KIAA1217: variants seen among roughly 807,000 people sequenced by gnomAD.
The protein encoded by KIAA1217 is sickle tail protein homolog.
In KIAA1217, 88 loss-of-function variants were observed where a neutral mutation model predicts 163.9. That is an observed-to-expected ratio of 0.54 (90% CI 0.45 to 0.64). KIAA1217 has a LOEUF of 0.64. Among genes scored for constraint, KIAA1217 ranks in the 30% least tolerant of loss-of-function variants. The pLI is 0.00. For missense variants in KIAA1217, 2,372 were observed against 2,475.0 expected (o/e 0.96, Z 0.88); for synonymous variants, 903 against 923.1 (o/e 0.98, Z 0.39).
intron 1 of KIAA1217, among the ~76,000 whole-genome samples, chr10:23,699,356 G>A (rs1836268425): frequency 6.6e-6 from 1 of 152,206 alleles, no homozygotes; most frequent in African/African-American, 2.4e-5. Flanking sequence ...AGACCATCTG[G>A]TTCATTTTAG....
chr10:24,024,997 C>G (rs1847881183), intron 2 of KIAA1217, among the ~76,000 whole-genome samples: 1 of 151,644 alleles, frequency 6.6e-6, no homozygotes, highest in African/African-American at 2.4e-5. Context: ...ATTTCCTTAC[C>G]TTTAACTTTT....
chr10:24,501,397 G>A lies in KIAA1217; in HGVS notation c.1853G>A (p.Gly618Asp). 1 of 1,610,840 alleles carries A rather than the reference G, an allele frequency of 6.2e-7. No individual in the cohort carries two copies. The highest frequency in any genetic ancestry group is 1.3e-5 in the African/African-American group (1 of 74,982). The change falls in exon 9 of 21, where the codon GGT becomes GAT. Residue 618 changes from glycine (G) to aspartate (D), a missense_variant. Transcript: ENST00000376454. ...TDSAGTPHVS[G>D]GKMLSALEST... The stretch of plus-strand genomic sequence containing the variant: ...CTCATAGGAACGCCCCATGTGTCTG[G>A]TGGGAAGATGCTCAGTGCTCTGGAG...
At chr10:24,419,628 T>G (rs1302169134) in intron 3 of KIAA1217, among the ~76,000 whole-genome samples, 1 of 151,982 alleles carries the variant, frequency 6.6e-6, no homozygotes. Context: ...GCTATATAGG[T>G]TTTTGTCAGA....
chr10:23,746,945 G>A (rs947585773), intron 1 of KIAA1217, among the ~76,000 whole-genome samples: 1 of 152,128 alleles, frequency 6.6e-6, no homozygotes, highest in African/African-American at 2.4e-5. Flanking sequence ...GATGGCAAAG[G>A]AAGGATTAAG....
intron 3 of KIAA1217, among the ~76,000 whole-genome samples, chr10:24,426,789 G>A (rs867802985): frequency 9.2e-5 from 14 of 152,216 alleles, no homozygotes; most frequent in Middle Eastern, 3.2e-3. Flanking sequence ...TGAGAAGTGC[G>A]TGGCGCAGCG....
intron 2 of KIAA1217, among the ~76,000 whole-genome samples, chr10:24,341,299 G>C (rs564203047): frequency 2.4e-4 from 36 of 151,960 alleles, no homozygotes; most frequent in African/African-American, 8.7e-4. Flanking sequence ...AGGCAAAGTC[G>C]TGATTAAATC....
chr10:24,041,805 T>C (rs534836535), intron 2 of KIAA1217, among the ~76,000 whole-genome samples: 2 of 152,338 alleles, frequency 1.3e-5, no homozygotes, highest in East Asian at 1.9e-4. Flanking sequence ...AAACTGAACG[T>C]GGTATGCACT....
intron 4 of KIAA1217, among the ~76,000 whole-genome samples, chr10:24,434,475 C>G (rs143054409): frequency 1.3e-5 from 2 of 152,322 alleles, no homozygotes; most frequent in East Asian, 3.9e-4. Context: ...GTAGCTGGCA[C>G]TACCGGCACA....
At chr10:24,452,965 C>T (rs1432312045) in intron 5 of KIAA1217, among the ~76,000 whole-genome samples, 1 of 152,102 alleles carries the variant, frequency 6.6e-6, no homozygotes, top group East Asian at 1.9e-4. Flanking sequence ...AAGAAAGAGG[C>T]CTGACTTATT....
At chr10:24,139,331 T>C (rs909042761) in intron 2 of KIAA1217, among the ~76,000 whole-genome samples, 1 of 152,166 alleles carries the variant, frequency 6.6e-6, no homozygotes, top group South Asian at 2.1e-4. Context: ...CAATTTACTT[T>C]TGTCCATATT....
At chr10:24,307,784 AAAAAG>A (rs1397719518) in intron 2 of KIAA1217, among the ~76,000 whole-genome samples, 2 of 152,184 alleles carry the variant, frequency 1.3e-5, no homozygotes, top group African/African-American at 4.8e-5. Flanking sequence ...TTGTCTCAAA[AAAAAG>A]AAAAGAACTG....
At position 24,066,562 on chromosome 10, in the gene KIAA1217, G is replaced by A. The variant is rs547193783; in HGVS notation, c.-171+59188G>A. Among the ~76,000 whole-genome samples the A allele has an allele frequency of 2.6e-5, 4 of 152,204 alleles. No homozygotes were observed. In the South Asian group the frequency reaches 8.3e-4, roughly 32 times the overall value. On this transcript the variant is annotated intron_variant, in intron 2 of 18. Coordinates refer to the KIAA1217 transcript ENST00000376462. Reference sequence around the variant, plus strand: ...TGTGGGTGACCTGACCTTCCTCTCTGGCTGCCCTTAACATTTTTTCCTTCA... The same window carrying A: ...TGTGGGTGACCTGACCTTCCTCTCTAGCTGCCCTTAACATTTTTTCCTTCA...
At position 23,915,565 on chromosome 10, in the gene KIAA1217, G is replaced by A. The variant is rs575800681; in HGVS notation, c.-320-91660G>A. ...ATTTGGGCTGATACACCAAGGTAAT[G>A]TACCAAGATACCATGTGCATGCTAG... On this transcript the variant is annotated intron_variant, in intron 1 of 18. Coordinates refer to the KIAA1217 transcript ENST00000376462. Among the ~76,000 whole-genome samples the A allele has an allele frequency of 6.5e-4, 99 of 152,276 alleles. 1 individual carries two copies. Among genetic ancestry groups the A allele is most frequent in the Middle Eastern group, 3.4e-3 (1 of 294 alleles).
intron 1 of KIAA1217, among the ~76,000 whole-genome samples, chr10:23,790,733 A>G (rs1835907972): frequency 6.7e-6 from 1 of 149,436 alleles, no homozygotes; most frequent in African/African-American, 2.5e-5. Flanking sequence ...GTATGTATGT[A>G]TGTATGTATG....
intron 1 of KIAA1217, among the ~76,000 whole-genome samples, chr10:23,810,981 T>C (rs1194679386): frequency 8.3e-6 from 1 of 120,886 alleles, no homozygotes; most frequent in East Asian, 2.3e-4. Flanking sequence ...TTATATACTA[T>C]AGTATATATA....
chr10:24,175,886 G>A (rs995806262), intron 2 of KIAA1217, among the ~76,000 whole-genome samples: 1 of 152,164 alleles, frequency 6.6e-6, no homozygotes, highest in Non-Finnish European at 1.5e-5. Flanking sequence ...TGAAACTGCA[G>A]ACCTCCACCA....
intron 1 of KIAA1217, among the ~76,000 whole-genome samples, chr10:23,837,204 T>C (rs1256210907): frequency 6.6e-6 from 1 of 152,208 alleles, no homozygotes; most frequent in Non-Finnish European, 1.5e-5. Context: ...GACTTTTTTA[T>C]GGCAGCCTCT....
intron 5 of KIAA1217, among the ~76,000 whole-genome samples, chr10:24,449,019 T>C (rs1053581016): frequency 6.6e-6 from 1 of 152,240 alleles, no homozygotes; most frequent in Non-Finnish European, 1.5e-5. Context: ...ACTATGGAAC[T>C]CATTTATGAG....
rs781603162 is a variant in KIAA1217 at position 24,432,992 on chromosome 10, C to T, written c.554-3C>T. The T allele has an allele frequency of 2.5e-6, 4 of 1,613,322 alleles. No individual in the cohort carries two copies. The highest frequency in any genetic ancestry group is 2.2e-5 in the East Asian group (1 of 44,872). The stretch of plus-strand genomic sequence containing the variant: ...GACTAATAACTGTTTCCTTTGTGTG[C>T]AGGGGTTCTCTATCTCCAGTATGGA... On this transcript the variant is annotated splice_polypyrimidine_tract_variant and splice_region_variant and intron_variant, in intron 3 of 20. Coordinates refer to ENST00000376454, the MANE Select transcript of KIAA1217 (RefSeq NM_019590.5).
Sources: allele counts gnomAD v4.1 joint callset (sites outside exome capture counted in the v4.1 genomes callset), GRCh38; gene constraint gnomAD v4.1.1; transcripts MANE v1.5; gene names NCBI Gene and HGNC (gene_info 2026-07-23, HGNC 2026-07-21).